PTPRD: variants seen among roughly 807,000 people sequenced by gnomAD.
PTPRD encodes the protein protein tyrosine phosphatase receptor type D, also known as receptor-type tyrosine-protein phosphatase delta.
A neutral mutation model predicts 214.5 loss-of-function variants in PTPRD; 34 were observed. The observed-to-expected ratio is 0.16, with a 90% CI of 0.12 to 0.21. The LOEUF (loss-of-function observed/expected upper bound fraction) is 0.21. Ranked by LOEUF, PTPRD falls within the 10% of genes least tolerant of loss-of-function variation. PTPRD has a pLI of 1.00. For missense variants in PTPRD, 2,545 were observed against 2,398.7 expected (o/e 1.06, Z -1.27); for synonymous variants, 1,128 against 845.7 (o/e 1.33, Z -5.79).
chr9:9,012,017 G>A (rs1242725757), intron 11 of PTPRD, among the ~76,000 whole-genome samples: 3 of 152,124 alleles, frequency 2.0e-5, no homozygotes, highest in African/African-American at 4.8e-5. Flanking sequence ...CTATCAGTCT[G>A]GTAATAGGAA....
At chr9:10,533,536 T>G (rs1389400682) in intron 2 of PTPRD, among the ~76,000 whole-genome samples, 1 of 152,018 alleles carries the variant, frequency 6.6e-6, no homozygotes, top group Non-Finnish European at 1.5e-5. Flanking sequence ...TTTTGGTGTT[T>G]TTTTTTCAGT....
At chr9:8,432,672 A>T (rs2095132618) in intron 35 of PTPRD, among the ~76,000 whole-genome samples, 1 of 152,246 alleles carries the variant, frequency 6.6e-6, no homozygotes, top group Non-Finnish European at 1.5e-5. Context: ...TATGTAGAAG[A>T]TAATAAACAA....
intron 9 of PTPRD, among the ~76,000 whole-genome samples, chr9:9,361,304 A>G (rs2056062785): frequency 6.6e-6 from 1 of 151,126 alleles, no homozygotes; most frequent in Non-Finnish European, 1.5e-5. Context: ...TTTCAAAAAT[A>G]TCAATTCAGT....
At chr9:10,426,417 G>A (rs1052713536) in intron 2 of PTPRD, among the ~76,000 whole-genome samples, 3 of 151,830 alleles carry the variant, frequency 2.0e-5, no homozygotes, top group Non-Finnish European at 4.4e-5. Context: ...GGACTTGTAT[G>A]TATAATTCTA....
intron 5 of PTPRD, among the ~76,000 whole-genome samples, chr9:9,931,348 G>T (rs2086446813): frequency 6.6e-6 from 1 of 152,184 alleles, no homozygotes; most frequent in Non-Finnish European, 1.5e-5. Context: ...CCAGACAGTG[G>T]GCGCAGGTCA....
At chr9:9,139,133 A>C (rs939855215) in intron 10 of PTPRD, among the ~76,000 whole-genome samples, 1 of 144,010 alleles carries the variant, frequency 6.9e-6, no homozygotes, top group African/African-American at 2.5e-5. Context: ...TGGGGGATAC[A>C]TTCTGAGACT....
chr9:9,203,023 A>G (rs1006433849), intron 9 of PTPRD, among the ~76,000 whole-genome samples: 1 of 152,132 alleles, frequency 6.6e-6, no homozygotes, highest in Non-Finnish European at 1.5e-5. Context: ...AGCTCTAAAC[A>G]TCTATTCCCA....
chr9:9,199,602 T>C (rs1391660833), intron 9 of PTPRD, among the ~76,000 whole-genome samples: 1 of 152,196 alleles, frequency 6.6e-6, no homozygotes, highest in Non-Finnish European at 1.5e-5. Flanking sequence ...GAGAAAGTTT[T>C]AGCCACAGAT....
At chr9:9,138,618 G>A (rs556818441) in intron 10 of PTPRD, among the ~76,000 whole-genome samples, 1 of 152,098 alleles carries the variant, frequency 6.6e-6, no homozygotes, top group Admixed American at 6.5e-5. Context: ...TGACATCTGT[G>A]TTTGTGTGGG....
At chr9:9,949,577 C>T (rs996179865) in intron 4 of PTPRD, among the ~76,000 whole-genome samples, 12 of 152,238 alleles carry the variant, frequency 7.9e-5, no homozygotes, top group African/African-American at 2.9e-4. Flanking sequence ...AGGGAAAAAT[C>T]ATACGACCTA....
intron 5 of PTPRD, among the ~76,000 whole-genome samples, chr9:9,780,077 G>A (rs2098831111): frequency 6.6e-6 from 1 of 152,204 alleles, no homozygotes; most frequent in Non-Finnish European, 1.5e-5. Flanking sequence ...ATAATATGCA[G>A]CCATTAAAAG....
chr9:10,379,397 T>C (rs1407878222), intron 2 of PTPRD, among the ~76,000 whole-genome samples: 1 of 151,948 alleles, frequency 6.6e-6, no homozygotes, highest in Non-Finnish European at 1.5e-5. Context: ...AGTTCCTGTA[T>C]TATGTTGAGT....
At chr9:8,782,805 A>AG (rs1348638144) in intron 11 of PTPRD, among the ~76,000 whole-genome samples, 1 of 152,088 alleles carries the variant, frequency 6.6e-6, no homozygotes, top group Non-Finnish European at 1.5e-5. Context: ...CATGTTGGTC[A>AG]GGCTGGTCTC....
At chr9:10,146,579 A>C (rs2099024303) in intron 3 of PTPRD, among the ~76,000 whole-genome samples, 1 of 152,150 alleles carries the variant, frequency 6.6e-6, no homozygotes, top group Admixed American at 6.6e-5. Context: ...GAAAATAAAT[A>C]GTCTTGAAAG....
intron 4 of PTPRD, among the ~76,000 whole-genome samples, chr9:9,948,146 G>T (rs1202154206): frequency 4.6e-5 from 7 of 151,914 alleles, no homozygotes; most frequent in African/African-American, 1.7e-4. Flanking sequence ...TGCCTTATGG[G>T]GTCTGCTCAT....
At chr9:9,208,163 C>G (rs1222271005) in intron 9 of PTPRD, among the ~76,000 whole-genome samples, 2 of 151,170 alleles carry the variant, frequency 1.3e-5, no homozygotes, top group South Asian at 4.2e-4. Context: ...TACGGGCACC[C>G]GCCACCACGC....
At chr9:9,863,016 A>G (rs1041439239) in intron 5 of PTPRD, among the ~76,000 whole-genome samples, 1 of 152,198 alleles carries the variant, frequency 6.6e-6, no homozygotes. Flanking sequence ...GACAATAGGA[A>G]AAAAAGCACT....
intron 2 of PTPRD, among the ~76,000 whole-genome samples, chr9:10,365,060 G>A (rs12004522): frequency 0.067 from 10,207 of 152,108 alleles, 1,149 homozygotes; most frequent in African/African-American, 0.23. Flanking sequence ...ACATCAAAGT[G>A]TACCAACCAA....
rs558112449 is a variant in PTPRD at position 9,717,370 on chromosome 9, T to G, written c.-287+17163A>C. ...GTTCCATATGAACTTTAAAGTAGTT[T>G]TTTCCAATTCTGTGAAGAAAGTCAT... On this transcript the variant is annotated intron_variant, in intron 7 of 45. Transcript: ENST00000381196. Among the ~76,000 whole-genome samples the G allele has an allele frequency of 2.0e-5, 3 of 152,322 alleles. No individual in the cohort carries two copies. The East Asian group carries it at 5.8e-4, about 29-fold the overall frequency.
Sources: gnomAD v4.1 joint callset for allele counts (sites outside exome capture counted in the v4.1 genomes callset) on GRCh38, gnomAD v4.1.1 for gene constraint, MANE v1.5 for transcripts, NCBI Gene and HGNC (gene_info 2026-07-23, HGNC 2026-07-21) for gene names.